The following ZDHHC14 variants were observed in gnomAD, a reference collection of about 807,000 sequenced individuals.
ZDHHC14 encodes the protein zDHHC palmitoyltransferase 14.
Under a neutral mutation model 47.7 loss-of-function variants are expected in ZDHHC14, and 16 were observed. The observed-to-expected ratio is 0.34, with a 90% confidence interval of 0.23 to 0.51. The LOEUF is 0.51. ZDHHC14 is among the 20% of genes least tolerant of loss of function. ZDHHC14 has a pLI of 0.97. For synonymous variants in ZDHHC14, 293 were observed against 278.9 expected, an observed-to-expected ratio of 1.05 and a Z score of -0.50; for missense variants, 515 against 662.5, an observed-to-expected ratio of 0.78 and a Z score of 2.44.
In ZDHHC14 at chr6:157,397,815, C is replaced by T. The variant is rs370631639; in HGVS notation, c.245+15549C>T. 1.1e-4 allele frequency among the ~76,000 whole-genome samples: 16 copies of T among 152,298 alleles called. No homozygotes were observed. The South Asian group carries it at 2.9e-3, about 28-fold the overall frequency. On this transcript the variant is annotated intron_variant, in intron 1 of 8. Transcript: ENST00000359775. ...TGCAGCGCTCTGAAGGGGGCTGTCCCGAGACAGTAGGAGGTGGGAGGGGAT... is the reference window on the plus strand; with the variant it reads ...TGCAGCGCTCTGAAGGGGGCTGTCCTGAGACAGTAGGAGGTGGGAGGGGAT...
Position 157,475,731 on chromosome 6 carries a change from G to A in ZDHHC14, c.246-66854G>A, listed in dbSNP as rs1026933898. On this transcript the variant is annotated intron_variant, in intron 1 of 8. Transcript: ENST00000359775. ...AGAAATAACACTGTTGATTTTGTAT[G>A]CTGTAACATTACTGAATTTGTTTAT... 3.3e-5 allele frequency among the ~76,000 whole-genome samples: 5 copies of A among 152,216 alleles called. 1 individual carries two copies. The South Asian group carries it at 8.3e-4, about 25-fold the overall frequency.
rs1427116371 is a variant in ZDHHC14 at position 157,484,362 on chromosome 6, A to G, written c.246-58223A>G. ...ACATTATACGTATATATACACACAT[A>G]TATACGTATATATACACACATATAT... On this transcript the variant is annotated intron_variant, in intron 1 of 8. Transcript: ENST00000359775. Among the ~76,000 whole-genome samples the G allele has an allele frequency of 7.5e-5, 11 of 146,466 alleles. No individual in the cohort carries two copies. The Admixed American group carries it at 7.6e-4, about 10-fold the overall frequency.
chr6:157,504,192 A>AT (rs113781730), intron 1 of ZDHHC14, among the ~76,000 whole-genome samples: 9 of 151,306 alleles, frequency 5.9e-5, no homozygotes, highest in South Asian at 2.1e-4. Flanking sequence ...GCATATATAT[A>AT]TTTTTTTTTT....
intron 2 of ZDHHC14, among the ~76,000 whole-genome samples, chr6:157,570,124 C>T (rs1324245931): frequency 6.6e-6 from 1 of 152,200 alleles, no homozygotes; most frequent in Non-Finnish European, 1.5e-5. Flanking sequence ...AAGATAAAAT[C>T]TTGCACCAGT....
chr6:157,458,687 T>G (rs1438001484), intron 1 of ZDHHC14, among the ~76,000 whole-genome samples: 1 of 152,016 alleles, frequency 6.6e-6, no homozygotes, highest in Non-Finnish European at 1.5e-5. Flanking sequence ...TGGCGCATCT[T>G]GTGTAGATGT....
intron 1 of ZDHHC14, among the ~76,000 whole-genome samples, chr6:157,430,713 A>T (rs972069797): frequency 6.6e-6 from 1 of 152,148 alleles, no homozygotes; most frequent in African/African-American, 2.4e-5. Context: ...ATGTCACTTA[A>T]CGTATTCACA....
At chr6:157,462,433 A>T (rs1779111728) in intron 1 of ZDHHC14, among the ~76,000 whole-genome samples, 1 of 152,238 alleles carries the variant, frequency 6.6e-6, no homozygotes, top group Admixed American at 6.5e-5. Context: ...GTTCTGACTT[A>T]TAAGAAAAGC....
At chr6:157,495,635 G>A (rs767957386) in intron 1 of ZDHHC14, among the ~76,000 whole-genome samples, 12 of 151,934 alleles carry the variant, frequency 7.9e-5, no homozygotes, top group Non-Finnish European at 1.6e-4. Context: ...ATTCATAAAG[G>A]CAGAGCAGGA....
chr6:157,631,779 T>C (rs1583046551), intron 4 of ZDHHC14: 1 of 152,286 alleles, frequency 6.6e-6, no homozygotes, highest in East Asian at 1.9e-4. Context: ...AGGCTGTGTT[T>C]GCTCCACATG....
At chr6:157,589,564 C>T (rs190794713) in intron 2 of ZDHHC14, among the ~76,000 whole-genome samples, 386 of 152,200 alleles carry the variant, frequency 2.5e-3, no homozygotes, top group Non-Finnish European at 4.4e-3. Flanking sequence ...GAGATATTTG[C>T]TTGGCACTTC....
chr6:157,400,674 C>T (rs1039567576), intron 1 of ZDHHC14, among the ~76,000 whole-genome samples: 3 of 152,184 alleles, frequency 2.0e-5, no homozygotes, highest in African/African-American at 7.2e-5. Flanking sequence ...GTCAGGATGC[C>T]TCGTACTCTT....
chr6:157,437,899 G>A (rs1406774483), intron 1 of ZDHHC14, among the ~76,000 whole-genome samples: 1 of 150,920 alleles, frequency 6.6e-6, no homozygotes, highest in Non-Finnish European at 1.5e-5. Context: ...TACATGGGAT[G>A]GTAGAGTTAA....
chr6:157,537,680 A>G (rs557957778), intron 1 of ZDHHC14, among the ~76,000 whole-genome samples: 23 of 152,300 alleles, frequency 1.5e-4, no homozygotes, highest in Admixed American at 6.5e-4. Context: ...TATCTTTGGC[A>G]GCTGCCTCAT....
chr6:157,613,243 C>T (rs1241117979), intron 3 of ZDHHC14, among the ~76,000 whole-genome samples: 1 of 152,228 alleles, frequency 6.6e-6, no homozygotes, highest in Non-Finnish European at 1.5e-5. Context: ...CAGCAACTCA[C>T]AGTAGGAAAT....
chr6:157,604,861 A>G (rs1784474173), intron 3 of ZDHHC14, among the ~76,000 whole-genome samples: 2 of 152,180 alleles, frequency 1.3e-5, no homozygotes, highest in Admixed American at 1.3e-4. Context: ...GTGCCTTGCT[A>G]GGTGCGCAGT....
chr6:157,564,493 A>C (rs1782828116), intron 2 of ZDHHC14, among the ~76,000 whole-genome samples: 1 of 152,250 alleles, frequency 6.6e-6, no homozygotes, highest in Admixed American at 6.5e-5. Flanking sequence ...ACAAATCTCT[A>C]GAACTAGAAA....
intron 1 of ZDHHC14, among the ~76,000 whole-genome samples, chr6:157,416,135 G>A (rs1777967805): frequency 6.6e-6 from 1 of 152,150 alleles, no homozygotes; most frequent in South Asian, 2.1e-4. Flanking sequence ...ATTTGGCTTT[G>A]GAGAGCACAT....
intron 1 of ZDHHC14, among the ~76,000 whole-genome samples, chr6:157,422,502 C>T (rs572640646): frequency 1.3e-5 from 2 of 152,268 alleles, no homozygotes; most frequent in Non-Finnish European, 2.9e-5. Context: ...AGCGTTACCC[C>T]GGGAAGCAAT....
At chr6:157,479,368 T>C (rs1779567180) in intron 1 of ZDHHC14, among the ~76,000 whole-genome samples, 1 of 152,242 alleles carries the variant, frequency 6.6e-6, no homozygotes, top group African/African-American at 2.4e-5. Context: ...ACTGTGTTCA[T>C]ATTTTCAGTT....
Sources: allele counts gnomAD v4.1 joint callset (sites outside exome capture counted in the v4.1 genomes callset), GRCh38; gene constraint gnomAD v4.1.1; transcripts MANE v1.5; gene names NCBI Gene and HGNC (gene_info 2026-07-23, HGNC 2026-07-21).